Variants in LTO1 observed in about 807,000 individuals in gnomAD.
LTO1 encodes LTO1 maturation factor of ABCE1, also known as protein LTO1 homolog.
Under a neutral mutation model 19.8 loss-of-function variants are expected in LTO1, and 18 were observed. The observed-to-expected ratio is 0.91, with a 90% CI of 0.63 to 1.35. LTO1 has a LOEUF of 1.35. Ranked by LOEUF, LTO1 falls within the 40% of genes most tolerant of loss-of-function variation. LTO1 has a pLI of 0.00. For missense variants in LTO1, 175 were observed against 167.9 expected (o/e 1.04, Z -0.23); for synonymous variants, 59 against 59.6 (o/e 0.99, Z 0.05).
chr11:69,666,495 C>T lies in LTO1; in HGVS notation c.*1024G>A, dbSNP rs77258288. 6,090 of 152,466 alleles carry T rather than the reference C, an allele frequency of 0.04. 218 individuals carry two copies. Among genetic ancestry groups the T allele is most frequent in the African/African-American group, 0.089 (3,714 of 41,546 alleles). 9.4% of individuals were successfully genotyped at this position (152,466 alleles called of 1,614,324 possible). ...TCGTGGGGACCCACCGAACCATCCA[C>T]TCTGCTCATCTGTGCCCACCCCACT... On this transcript the variant is annotated 3_prime_UTR_variant, in exon 5 of 5. Transcript: ENST00000279147.
At chr11:69,675,057 G>T in intron 1 of LTO1, 133 bp downstream of exon 1, 1 of 779,598 alleles carries the variant, frequency 1.3e-6, no homozygotes, top group Non-Finnish European at 2.2e-6. Context: ...TGCGTCCACG[G>T]CCACCAGGCG....
Position 69,667,994 on chromosome 11 carries a change from T to C in LTO1, c.246A>G (p.Leu82=). 6.5e-7 allele frequency: 1 copy of C among 1,542,190 alleles called. No homozygotes were observed. The highest frequency in any genetic ancestry group is 9.0e-7 in the Non-Finnish European group (1 of 1,114,410). ...TCTGGATCATTCCAATCAATGATTCTAAGACCTTCATCTTTCTGCTGTAAA... is the reference window on the plus strand; with the variant it reads ...TCTGGATCATTCCAATCAATGATTCCAAGACCTTCATCTTTCTGCTGTAAA... ...TEKDSRKMKV[L]ESLIGMIQKF... The change falls in exon 4 of 5, where the codon TTA becomes TTG. Residue 82 remains leucine (L), a synonymous_variant. Transcript: ENST00000279147.
intron 1 of LTO1, 78 bp from the exon 2 acceptor site, chr11:69,673,399 T>G: frequency 1.0e-6 from 1 of 970,080 alleles, no homozygotes; most frequent in African/African-American, 1.6e-5. Context: ...TCTCTTGTAT[T>G]ACCCGGACCC....
Position 69,667,175 on chromosome 11 carries a change from C to T in LTO1, c.*344G>A, listed in dbSNP as rs186210200. The T allele has an allele frequency of 1.5e-3, 390 of 262,882 alleles. 3 individuals carry two copies. The highest frequency in any genetic ancestry group is 1.5e-3 in the Non-Finnish European group (212 of 140,880). The allele number at this position is 262,882 out of a possible 1,614,324, so 16.3% of individuals were successfully genotyped here. A position where few individuals can be genotyped will look rare whatever the true frequency, so the allele number is the denominator to read the frequency against. On this transcript the variant is annotated 3_prime_UTR_variant, in exon 5 of 5. Transcript: ENST00000279147. ...CAAATAATAATAATAATAAAAATAA[C>T]TGCCTTCAGTCCAGGCCTGGTGACT... is the stretch of plus-strand genomic sequence containing the variant.
intron 4 of LTO1, 97 bp from the exon 5 acceptor site, chr11:69,667,684 G>A: frequency 2.2e-6 from 2 of 910,946 alleles, no homozygotes; most frequent in Non-Finnish European, 3.6e-6. Flanking sequence ...TCCTGTCTAT[G>A]TGGCCAGCCC....
intron 3 of LTO1, among the ~76,000 whole-genome samples, chr11:69,670,157 C>T (rs1856088985): frequency 6.6e-6 from 1 of 152,182 alleles, no homozygotes. Flanking sequence ...AGGGCTTCCA[C>T]CAGCCCCTCG....
At chr11:69,669,383 T>A (rs1856077269) in intron 3 of LTO1, among the ~76,000 whole-genome samples, 1 of 152,212 alleles carries the variant, frequency 6.6e-6, no homozygotes, top group Non-Finnish European at 1.5e-5. Context: ...CAGCTGGTGC[T>A]CCTGGATACA....
In LTO1 at chr11:69,675,343, G is replaced by T. The variant is rs926346884; in HGVS notation, c.-104C>A. 1.0e-6 allele frequency: 1 copy of T among 971,514 alleles called. No homozygotes were observed. The highest frequency in any genetic ancestry group is 1.5e-6 in the Non-Finnish European group (1 of 681,812). The allele number at this position is 971,514 out of a possible 1,614,324, so 60.2% of individuals were successfully genotyped here. A position where few individuals can be genotyped will look rare whatever the true frequency, so the allele number is the denominator to read the frequency against. On this transcript the variant is annotated 5_prime_UTR_variant, in exon 1 of 5. Coordinates refer to ENST00000279147, the MANE Select transcript of LTO1 (RefSeq NM_153451.3). ...AAATGCTCCGCTTGGGAGGAGACGA[G>T]ACCCACTTCCGGAAGCGGCGGCGCG... is the stretch of plus-strand genomic sequence containing the variant.
intron 1 of LTO1, chr11:69,674,804 G>T (rs1455108240): frequency 6.2e-6 from 3 of 483,916 alleles, no homozygotes; most frequent in African/African-American, 1.9e-5. Context: ...ACATCTATCA[G>T]CACATCCATG....
In LTO1 at chr11:69,667,414, A is replaced by G; in HGVS notation, c.*105T>C. 2 of 797,000 alleles carry G rather than the reference A, an allele frequency of 2.5e-6. No homozygotes were observed. Among genetic ancestry groups the G allele is most frequent in the South Asian group, 3.0e-5 (2 of 67,104 alleles). 49.4% of individuals were successfully genotyped at this position (797,000 alleles called of 1,614,324 possible). On this transcript the variant is annotated 3_prime_UTR_variant, in exon 5 of 5. Transcript: ENST00000279147. ...GCCGAACCGGAACCCTCACCCTCCC[A>G]ATGAACAACTGCCTTCCCAGCACCG...
intron 3 of LTO1, among the ~76,000 whole-genome samples, chr11:69,670,195 C>T (rs1292273337): frequency 6.6e-6 from 1 of 152,194 alleles, no homozygotes; most frequent in Non-Finnish European, 1.5e-5. Flanking sequence ...TCTCTGTTAG[C>T]TAGACTGAGT....
In LTO1 at chr11:69,675,135, A is replaced by G. The variant is rs1590925357; in HGVS notation, c.50+55T>C. 3.2e-6 allele frequency: 5 copies of G among 1,539,746 alleles called. No homozygotes were observed. In the East Asian group the frequency reaches 1.2e-4, roughly 36 times the overall value. On this transcript the variant is annotated intron_variant, in intron 1 of 4. Coordinates refer to ENST00000279147, the MANE Select transcript of LTO1 (RefSeq NM_153451.3). ...CGCCCTGGGCCGCAGCCGGCGGCGA[A>G]GCCGCTGGGAGACGACCAGACAGGG...
intron 4 of LTO1, 84 bp downstream of exon 4, chr11:69,667,811 G>C: frequency 1.2e-6 from 1 of 824,054 alleles, no homozygotes; most frequent in Non-Finnish European, 2.1e-6. Flanking sequence ...GGCCATTGCC[G>C]CAGCGGCCCC....
At chr11:69,674,005 C>G (rs1856151000) in intron 1 of LTO1, among the ~76,000 whole-genome samples, 1 of 152,198 alleles carries the variant, frequency 6.6e-6, no homozygotes, top group Admixed American at 6.5e-5. Context: ...AGGCGCCCAC[C>G]ACCACATCCG....
At chr11:69,668,141 G>A in intron 3 of LTO1, 129 bp from the exon 4 acceptor site, 1 of 661,586 alleles carries the variant, frequency 1.5e-6, no homozygotes. Context: ...AAAGCTGGAT[G>A]ATTATTTTCT....
At chr11:69,673,641 G>T (rs552040606) in intron 1 of LTO1, among the ~76,000 whole-genome samples, 1 of 150,006 alleles carries the variant, frequency 6.7e-6, no homozygotes, top group African/African-American at 2.4e-5. Context: ...CACCCCCAGA[G>T]ATTCAGTACG....
At chr11:69,670,507 CT>C (rs1197520720) in intron 3 of LTO1, among the ~76,000 whole-genome samples, 1 of 152,256 alleles carries the variant, frequency 6.6e-6, no homozygotes, top group Non-Finnish European at 1.5e-5. Context: ...TCAAGTGCCC[CT>C]CTGCTAACCC....
intron 3 of LTO1, among the ~76,000 whole-genome samples, chr11:69,670,528 T>C (rs536923152): frequency 7.9e-5 from 12 of 152,206 alleles, no homozygotes; most frequent in Non-Finnish European, 1.5e-4. Flanking sequence ...CAGAATCCCA[T>C]CGACTCCCAA....
intron 1 of LTO1, 97 bp downstream of exon 1, chr11:69,675,093 C>T: frequency 2.7e-6 from 3 of 1,112,550 alleles, no homozygotes; most frequent in Non-Finnish European, 4.0e-6. Flanking sequence ...GCCCAAGGGA[C>T]GCCAGGCTCC....
Sources: gnomAD v4.1 joint callset for allele counts (sites outside exome capture counted in the v4.1 genomes callset) on GRCh38, gnomAD v4.1.1 for gene constraint, MANE v1.5 for transcripts, NCBI Gene and HGNC (gene_info 2026-07-23, HGNC 2026-07-21) for gene names.